Variants in CPD observed in about 807,000 individuals in gnomAD.
The protein encoded by CPD is metallocarboxypeptidase D.
Under a neutral mutation model 138.3 loss-of-function variants are expected in CPD, and 69 were observed. That is an observed-to-expected ratio of 0.50 (90% CI 0.41 to 0.61). The LOEUF (loss-of-function observed/expected upper bound fraction) is 0.61. CPD is among the 20% of genes least tolerant of loss of function. CPD has a pLI of 0.00. For missense variants in CPD, 1,432 were observed against 1,733.3 expected, an observed-to-expected ratio of 0.83 and a Z score of 3.09; for synonymous variants, 651 against 642.1, an observed-to-expected ratio of 1.01 and a Z score of -0.21.
intron 13 of CPD, among the ~76,000 whole-genome samples, chr17:30,451,342 G>A (rs988224511): frequency 1.4e-4 from 22 of 152,092 alleles, no homozygotes; most frequent in African/African-American, 2.4e-4. Context: ...TCTGTGTTGC[G>A]AACTTACTCA....
At chr17:30,418,504 G>C (rs1912178535) in intron 2 of CPD, among the ~76,000 whole-genome samples, 1 of 152,116 alleles carries the variant, frequency 6.6e-6, no homozygotes, top group Non-Finnish European at 1.5e-5. Flanking sequence ...GCCTCCCAAA[G>C]TGTTAGGATT....
intron 17 of CPD, among the ~76,000 whole-genome samples, chr17:30,458,786 A>C (rs1274749992): frequency 1.3e-5 from 2 of 151,620 alleles, no homozygotes; most frequent in African/African-American, 4.9e-5. Context: ...GAATTGCTTG[A>C]GCCTGGGATG....
chr17:30,413,229 G>A (rs1340203029), intron 2 of CPD, among the ~76,000 whole-genome samples: 1 of 152,216 alleles, frequency 6.6e-6, no homozygotes, highest in East Asian at 1.9e-4. Context: ...ATGCACGTGT[G>A]TTTACGTGTA....
intron 19 of CPD, 65 bp from the exon 20 acceptor site, chr17:30,462,305 A>G: frequency 7.6e-7 from 1 of 1,320,716 alleles, no homozygotes; most frequent in Non-Finnish European, 1.1e-6. Flanking sequence ...GGGCCTAATA[A>G]TATAGCAGGG....
intron 8 of CPD, among the ~76,000 whole-genome samples, chr17:30,434,468 T>C (rs1392558342): frequency 1.3e-5 from 2 of 152,078 alleles, no homozygotes; most frequent in Non-Finnish European, 2.9e-5. Flanking sequence ...ACATCACATA[T>C]GCACTAAATC....
At chr17:30,453,360 A>T (rs758827203) in intron 14 of CPD, among the ~76,000 whole-genome samples, 2 of 152,250 alleles carry the variant, frequency 1.3e-5, no homozygotes, top group Non-Finnish European at 2.9e-5. Context: ...TACAGGCCCC[A>T]TGCAAGTTCA....
chr17:30,421,730 A>C lies in CPD; in HGVS notation c.1204A>C (p.Ile402Leu). The C allele has an allele frequency of 6.2e-7, 1 of 1,613,608 alleles. No individual in the cohort carries two copies. The highest frequency in any genetic ancestry group is 1.1e-5 in the South Asian group (1 of 91,066). The part of the protein sequence containing the change: ...ITGSGLENAT[I>L]SVAGINHNIT... Reference sequence around the variant, plus strand: ...AGGATCTGGGTTAGAGAATGCAACCATCTCAGTGGCTGGTATTAATCATAA... The same window carrying C: ...AGGATCTGGGTTAGAGAATGCAACCCTCTCAGTGGCTGGTATTAATCATAA... The change falls in exon 4 of 21, where the codon ATC (isoleucine) becomes CTC (leucine). Residue 402 changes from isoleucine (I) to leucine (L), a missense_variant. Ile to Leu is a conservative substitution (Grantham distance 5). Transcript: ENST00000225719.
chr17:30,451,014 T>C (rs1284442919), intron 13 of CPD, among the ~76,000 whole-genome samples: 1 of 152,194 alleles, frequency 6.6e-6, no homozygotes, highest in East Asian at 1.9e-4. Flanking sequence ...AGAACTGATA[T>C]TTATTGAATA....
At chr17:30,383,940 CT>C (rs1911117220) in intron 1 of CPD, among the ~76,000 whole-genome samples, 1 of 151,294 alleles carries the variant, frequency 6.6e-6, no homozygotes, top group South Asian at 2.1e-4. Context: ...TTTTTTTTGC[CT>C]TTAGGTTTTA....
chr17:30,451,892 C>G, intron 14 of CPD, 46 bp downstream of exon 14: 1 of 1,570,650 alleles, frequency 6.4e-7, no homozygotes, highest in Non-Finnish European at 8.7e-7. Context: ...AGATAATTTT[C>G]TTTCTGCTAG....
At chr17:30,456,438 C>T in intron 16 of CPD, 24 bp from the exon 17 acceptor site, 2 of 1,612,934 alleles carry the variant, frequency 1.2e-6, no homozygotes, top group Non-Finnish European at 1.7e-6. Context: ...CTTCCTGATT[C>T]CACATCTCTT....
chr17:30,465,005 C>A lies in CPD; in HGVS notation c.*191C>A. ...TTCCCTTCCTTAAAGTACTCTAAAC[C>A]TTTAAAAAAAAATCTGATTTATGCA... On this transcript the variant is annotated 3_prime_UTR_variant, in exon 21 of 21. Transcript: ENST00000225719. 2 of 561,468 alleles carry A rather than the reference C, an allele frequency of 3.6e-6. No homozygotes were observed. Among genetic ancestry groups the A allele is most frequent in the South Asian group, 2.2e-5 (1 of 45,792 alleles). The allele number at this position is 561,468 out of a possible 1,614,324, so 34.8% of individuals were successfully genotyped here.
At chr17:30,380,670 A>G (rs1449955700) in intron 1 of CPD, 4 of 1,464,716 alleles carry the variant, frequency 2.7e-6, no homozygotes, top group African/African-American at 2.8e-5. Flanking sequence ...GTTAAACTTT[A>G]CAGGAATTGT....
At chr17:30,417,958 G>A (rs1006474082) in intron 2 of CPD, among the ~76,000 whole-genome samples, 1 of 151,940 alleles carries the variant, frequency 6.6e-6, no homozygotes, top group Non-Finnish European at 1.5e-5. Context: ...GGCCTTATCA[G>A]CCTCATAGCT....
intron 2 of CPD, among the ~76,000 whole-genome samples, chr17:30,418,741 T>A (rs531325020): frequency 6.6e-6 from 1 of 152,304 alleles, no homozygotes; most frequent in African/African-American, 2.4e-5. Context: ...TGGCGTTATT[T>A]GTAAGTGCTG....
intron 2 of CPD, among the ~76,000 whole-genome samples, chr17:30,389,823 G>C (rs568530681): frequency 6.6e-6 from 1 of 152,080 alleles, no homozygotes; most frequent in Non-Finnish European, 1.5e-5. Flanking sequence ...GCTGAATGTC[G>C]GATATGTCCT....
intron 20 of CPD, among the ~76,000 whole-genome samples, chr17:30,463,639 T>A (rs1413417717): frequency 6.6e-6 from 1 of 152,212 alleles, no homozygotes; most frequent in Non-Finnish European, 1.5e-5. Context: ...ACAGCCTTAG[T>A]TTATTTCTAA....
At chr17:30,432,929 A>T (rs1284823753) in intron 8 of CPD, among the ~76,000 whole-genome samples, 1 of 152,132 alleles carries the variant, frequency 6.6e-6, no homozygotes, top group Non-Finnish European at 1.5e-5. Context: ...AAAAAAATAA[A>T]AATTGTCTTA....
chr17:30,421,536 G>A, intron 3 of CPD, 128 bp from the exon 4 acceptor site: 2 of 755,938 alleles, frequency 2.6e-6, no homozygotes, highest in Non-Finnish European at 4.4e-6. Context: ...TCAAGGGATT[G>A]AAAATGTTTT....
Sources: allele counts gnomAD v4.1 joint callset (sites outside exome capture counted in the v4.1 genomes callset), GRCh38; gene constraint gnomAD v4.1.1; transcripts MANE v1.5; gene names NCBI Gene and HGNC (gene_info 2026-07-23, HGNC 2026-07-21).